The following SPIN1 variants were observed in gnomAD, a reference collection of about 807,000 sequenced individuals.
SPIN1 encodes spindlin-1.
In SPIN1, 3 loss-of-function variants were observed where a neutral mutation model predicts 26.0. The observed-to-expected ratio is 0.12, with a 90% CI of 0.05 to 0.30. The LOEUF is 0.30. Among genes scored for constraint, SPIN1 ranks in the 10% least tolerant of loss-of-function variants. SPIN1 has a pLI of 1.00. For synonymous variants in SPIN1, 101 were observed against 116.5 expected (o/e 0.87, Z 0.86); for missense variants, 126 against 333.4 (o/e 0.38, Z 4.84).
intron 1 of SPIN1, among the ~76,000 whole-genome samples, chr9:88,404,466 A>G (rs761090799): frequency 8.5e-5 from 13 of 152,328 alleles, no homozygotes; most frequent in Non-Finnish European, 1.5e-4. Context: ...TATGAAGTTC[A>G]TAATTTTTAA....
chr9:88,467,514 A>G (rs912055115), intron 4 of SPIN1, among the ~76,000 whole-genome samples: 2 of 152,170 alleles, frequency 1.3e-5, no homozygotes, highest in African/African-American at 2.4e-5. Context: ...AGGTATGGGG[A>G]AGAGCTTATC....
At chr9:88,452,060 A>G (rs901559137) in intron 3 of SPIN1, among the ~76,000 whole-genome samples, 1 of 152,214 alleles carries the variant, frequency 6.6e-6, no homozygotes, top group African/African-American at 2.4e-5. Flanking sequence ...TAGAAAGTGG[A>G]CTAGAATCTA....
Position 88,476,595 on chromosome 9 carries a change from C to CT in SPIN1, c.*1318_*1319insT, listed in dbSNP as rs1307046321. 3 of 152,214 alleles carry CT rather than the reference C, an allele frequency of 2.0e-5. No individual in the cohort carries two copies. The highest frequency in any genetic ancestry group is 2.0e-4 in the Admixed American group (3 of 15,280). 9.4% of individuals were successfully genotyped at this position (152,214 alleles called of 1,614,324 possible). A position where few individuals can be genotyped will look rare whatever the true frequency, so the allele number is the denominator to read the frequency against. The stretch of plus-strand genomic sequence containing the variant: ...GAAGCGTTACCATAGAAGAGCCAGC[C>CT]GTTTGTGTTCGCTTGGTAGGTGTAA... On this transcript the variant is annotated 3_prime_UTR_variant, in exon 6 of 6. Coordinates refer to ENST00000375859, the MANE Select transcript of SPIN1 (RefSeq NM_006717.3).
intron 3 of SPIN1, among the ~76,000 whole-genome samples, chr9:88,453,840 C>T (rs1367096150): frequency 2.0e-5 from 3 of 151,994 alleles, no homozygotes; most frequent in African/African-American, 4.8e-5. Context: ...TTAAGCACAT[C>T]GGAGAACTAA....
At position 88,477,470 on chromosome 9, in the gene SPIN1, T is replaced by A. The variant is rs943867883; in HGVS notation, c.*2193T>A. ...TTTCTAGATGAATGCAACATGATGA[T>A]GGTGATGATGACGATGAGTTTAATC... On this transcript the variant is annotated 3_prime_UTR_variant, in exon 6 of 6. Coordinates refer to ENST00000375859, the MANE Select transcript of SPIN1 (RefSeq NM_006717.3). 1 of 152,232 alleles carries A rather than the reference T, an allele frequency of 6.6e-6. No homozygotes were observed. The highest frequency in any genetic ancestry group is 2.4e-5 in the African/African-American group (1 of 41,454). The allele number at this position is 152,232 out of a possible 1,614,324, so 9.4% of individuals were successfully genotyped here.
intron 4 of SPIN1, among the ~76,000 whole-genome samples, chr9:88,467,971 TA>T (rs1198337788): frequency 2.6e-5 from 4 of 152,190 alleles, no homozygotes; most frequent in Non-Finnish European, 5.9e-5. Context: ...ACAGGAACTC[TA>T]CTATTTTTCC....
chr9:88,397,133 TAA>T (rs1827082708), intron 1 of SPIN1, among the ~76,000 whole-genome samples: 1 of 152,144 alleles, frequency 6.6e-6, no homozygotes, highest in Non-Finnish European at 1.5e-5. Flanking sequence ...ACTAAATTTA[TAA>T]AAAGTTTCTT....
At chr9:88,453,401 T>C (rs768712989) in intron 3 of SPIN1, among the ~76,000 whole-genome samples, 10 of 152,206 alleles carry the variant, frequency 6.6e-5, no homozygotes, top group Non-Finnish European at 1.3e-4. Context: ...AGGAATTCTT[T>C]TGTTCCTCTT....
At chr9:88,390,469 A>G (rs1260816115) in intron 1 of SPIN1, among the ~76,000 whole-genome samples, 1 of 152,212 alleles carries the variant, frequency 6.6e-6, no homozygotes, top group African/African-American at 2.4e-5. Flanking sequence ...GATTGCACAT[A>G]GTTACAACGT....
rs1042882241 is a variant in SPIN1, at chr9:88,446,429, G to A, written c.53-2512G>A. Among the ~76,000 whole-genome samples the A allele has an allele frequency of 8.7e-4, 122 of 139,700 alleles. 1 individual carries two copies. The highest frequency in any genetic ancestry group is 3.3e-3 in the African/African-American group (116 of 34,666). 91.6% of individuals were successfully genotyped at this position (139,700 alleles called of 152,430 possible). ...TGCTGTTTTTTTTTTTTTTTTTGAC[G>A]GAGGTTTGCTCTTGTTGCCCAAGCT... On this transcript the variant is annotated intron_variant, in intron 2 of 5. Transcript: ENST00000375859.
At chr9:88,394,317 T>G (rs891056583) in intron 1 of SPIN1, among the ~76,000 whole-genome samples, 5 of 152,218 alleles carry the variant, frequency 3.3e-5, no homozygotes, top group Admixed American at 6.5e-5. Flanking sequence ...GTGCTTTTCC[T>G]GCCAAATACC....
chr9:88,445,938 A>C (rs1828241673), intron 2 of SPIN1, among the ~76,000 whole-genome samples: 1 of 152,126 alleles, frequency 6.6e-6, no homozygotes, highest in Non-Finnish European at 1.5e-5. Context: ...TTAAATGTCA[A>C]CTAAGTAAGG....
intron 2 of SPIN1, among the ~76,000 whole-genome samples, chr9:88,443,122 AAAAAAAAAAAAAC>A (rs1828172188): frequency 6.6e-6 from 1 of 151,012 alleles, no homozygotes; most frequent in Admixed American, 6.6e-5. Context: ...TCCATCTCAA[AAAAAAAAAAAAAC>A]AAAAAAAAAC....
chr9:88,407,490 A>G (rs1049548253), intron 1 of SPIN1, among the ~76,000 whole-genome samples: 2 of 151,028 alleles, frequency 1.3e-5, no homozygotes, highest in Non-Finnish European at 2.9e-5. Flanking sequence ...CTAAGTTGTC[A>G]GTTTTCTTCT....
At chr9:88,394,436 C>A (rs186680624) in intron 1 of SPIN1, among the ~76,000 whole-genome samples, 22 of 152,288 alleles carry the variant, frequency 1.4e-4, no homozygotes, top group African/African-American at 5.3e-4. Flanking sequence ...ATTGGACAGC[C>A]ATGGGAAGCA....
rs1286303126 is a variant in SPIN1 at position 88,398,190 on chromosome 9, G to A, written c.-159+9652G>A. 2.0e-5 allele frequency among the ~76,000 whole-genome samples: 3 copies of A among 151,536 alleles called. No individual in the cohort carries two copies. The East Asian group carries it at 5.8e-4, about 29-fold the overall frequency. ...AGTGTACCTGCCTCAGCCTCCCAAAGTGCTGCCTCAGCCTCCCACCTGTGC... is the reference window on the plus strand; with the variant it reads ...AGTGTACCTGCCTCAGCCTCCCAAAATGCTGCCTCAGCCTCCCACCTGTGC... On this transcript the variant is annotated intron_variant, in intron 1 of 5. Transcript: ENST00000375859.
At chr9:88,417,411 C>T (rs1311505960) in intron 1 of SPIN1, among the ~76,000 whole-genome samples, 2 of 152,144 alleles carry the variant, frequency 1.3e-5, no homozygotes, top group Non-Finnish European at 2.9e-5. Context: ...GCATCACATC[C>T]CACAAGACTG....
chr9:88,461,257 G>C (rs1828572495), intron 3 of SPIN1, among the ~76,000 whole-genome samples: 1 of 152,068 alleles, frequency 6.6e-6, no homozygotes, highest in Non-Finnish European at 1.5e-5. Context: ...GGTTTGCTGG[G>C]TTTTTGCACA....
intron 2 of SPIN1, among the ~76,000 whole-genome samples, chr9:88,434,982 G>A (rs1022286912): frequency 2.0e-5 from 3 of 151,508 alleles, no homozygotes; most frequent in African/African-American, 7.3e-5. Context: ...AACCCGGGAG[G>A]CGGAGGTTGC....
Sources: gnomAD v4.1 joint callset for allele counts (sites outside exome capture counted in the v4.1 genomes callset) on GRCh38, gnomAD v4.1.1 for gene constraint, MANE v1.5 for transcripts, NCBI Gene and HGNC (gene_info 2026-07-23, HGNC 2026-07-21) for gene names.